The following MAP4 variants were observed in gnomAD, a reference collection of about 807,000 sequenced individuals.
MAP4 encodes microtubule-associated protein 4.
Under a neutral mutation model 170.2 loss-of-function variants are expected in MAP4, and 76 were observed. That is an observed-to-expected ratio of 0.45 (90% CI 0.37 to 0.54). The LOEUF (loss-of-function observed/expected upper bound fraction) is 0.54, where lower values mean the gene tolerates loss of function less well. MAP4 is among the 20% of genes least tolerant of loss of function. The pLI is 0.00. For missense variants in MAP4, 2,506 were observed against 2,748.0 expected (o/e 0.91, Z 1.97); for synonymous variants, 909 against 994.5 (o/e 0.91, Z 1.62).
At chr3:48,063,885 G>A (rs561636357) in intron 1 of MAP4, among the ~76,000 whole-genome samples, 3 of 152,220 alleles carry the variant, frequency 2.0e-5, no homozygotes, top group East Asian at 3.9e-4. Context: ...GGATTTTTAG[G>A]GCAGTGAAAC....
At position 47,991,060 on chromosome 3, in the gene MAP4, G is replaced by C. The variant is rs578150434; in HGVS notation, c.223+7578C>G. ...TGAAGTGCAAAAGGAAATGAGTATAGTAGATCCAAAGAAAAGGAATAAAGG... is the reference window on the plus strand; with the variant it reads ...TGAAGTGCAAAAGGAAATGAGTATACTAGATCCAAAGAAAAGGAATAAAGG... On this transcript the variant is annotated intron_variant, in intron 2 of 20. Coordinates refer to ENST00000683076, the MANE Select transcript of MAP4 (RefSeq NM_001385682.1). Among the ~76,000 whole-genome samples the C allele has an allele frequency of 4.6e-5, 7 of 152,306 alleles. No individual in the cohort carries two copies. The South Asian group carries it at 1.2e-3, about 27-fold the overall frequency.
intron 1 of MAP4, among the ~76,000 whole-genome samples, chr3:48,044,399 C>G (rs1177237773): frequency 1.3e-5 from 2 of 151,972 alleles, no homozygotes; most frequent in Non-Finnish European, 2.9e-5. Flanking sequence ...TCGTGATCCA[C>G]CCGCATCAGC....
intron 4 of MAP4, among the ~76,000 whole-genome samples, chr3:47,924,816 A>AT (rs11449304): frequency 0.39 from 58,072 of 148,536 alleles, 12,493 homozygotes; most frequent in African/African-American, 0.59. Context: ...AAGCTACGAT[A>AT]TTTTTTTTTT....
At chr3:47,993,631 A>C (rs1008678681) in intron 2 of MAP4, among the ~76,000 whole-genome samples, 1 of 152,248 alleles carries the variant, frequency 6.6e-6, no homozygotes, top group African/African-American at 2.4e-5. Flanking sequence ...CAAGATCCTG[A>C]AGCATTTCTT....
intron 5 of MAP4, among the ~76,000 whole-genome samples, chr3:47,920,371 T>G (rs1237299018): frequency 6.6e-6 from 1 of 152,164 alleles, no homozygotes; most frequent in East Asian, 1.9e-4. Flanking sequence ...CCTCCCAAAG[T>G]GCTGGGATTA....
At chr3:48,052,782 G>A in intron 1 of MAP4, among the ~76,000 whole-genome samples, 1 of 152,190 alleles carries the variant, frequency 6.6e-6, no homozygotes, top group South Asian at 2.1e-4. Context: ...CAGCCAGACA[G>A]TGATGAACAT....
At chr3:47,861,645 C>G (rs893419140) in intron 17 of MAP4, among the ~76,000 whole-genome samples, 5 of 151,774 alleles carry the variant, frequency 3.3e-5, no homozygotes, top group African/African-American at 1.2e-4. Flanking sequence ...GCCACCACGC[C>G]CAGCCAAGAC....
chr3:47,930,207 A>T (rs2100048745), intron 3 of MAP4, among the ~76,000 whole-genome samples: 1 of 152,058 alleles, frequency 6.6e-6, no homozygotes, highest in East Asian at 1.9e-4. Flanking sequence ...GCACTTTGGG[A>T]GGCCGAGGCG....
At chr3:47,869,677 T>G (rs1042705735) in intron 15 of MAP4, among the ~76,000 whole-genome samples, 1 of 152,032 alleles carries the variant, frequency 6.6e-6, no homozygotes, top group Non-Finnish European at 1.5e-5. Context: ...CCCCACCCCA[T>G]GCCAAATGTC....
chr3:48,017,135 T>C (rs1342477406), upstream of MAP4, among the ~76,000 whole-genome samples: 1 of 149,968 alleles, frequency 6.7e-6, no homozygotes, highest in Admixed American at 6.6e-5. Flanking sequence ...CTTTAATAGA[T>C]GGAAAAAAAA....
chr3:48,037,120 A>T lies in MAP4; in HGVS notation c.-19-38241T>A, dbSNP rs138541471. Among the ~76,000 whole-genome samples, 201 of 152,324 alleles carry T rather than the reference A, an allele frequency of 1.3e-3. 1 individual carries two copies. Among genetic ancestry groups the T allele is most frequent in the African/African-American group, 4.5e-3 (189 of 41,568 alleles). On this transcript the variant is annotated intron_variant, in intron 1 of 18. Coordinates refer to the MAP4 transcript ENST00000360240. Reference sequence around the variant, plus strand: ...ACATGAAATAAAATCTAAAAAGGAAATAAACTCTAGTAAATAAAGTTCTGA... The same window carrying T: ...ACATGAAATAAAATCTAAAAAGGAATTAAACTCTAGTAAATAAAGTTCTGA...
chr3:47,891,723 C>T, intron 10 of MAP4: 5 of 1,536,656 alleles, frequency 3.3e-6, no homozygotes, highest in Non-Finnish European at 4.4e-6. Flanking sequence ...TGGGTGAACA[C>T]CATAGTGATT....
intron 1 of MAP4, among the ~76,000 whole-genome samples, chr3:48,067,803 C>A (rs2100139044): frequency 1.3e-5 from 2 of 152,034 alleles, no homozygotes; most frequent in South Asian, 4.1e-4. Context: ...CCATGGCCGG[C>A]TGATTTCTGT....
chr3:47,972,787 G>A (rs1388061977), intron 3 of MAP4, among the ~76,000 whole-genome samples: 2 of 152,020 alleles, frequency 1.3e-5, no homozygotes, highest in African/African-American at 4.8e-5. Context: ...TCAGGAGGCT[G>A]AGGCAGGAGA....
chr3:47,909,854 C>T lies in MAP4; in HGVS notation c.4567G>A (p.Gly1523Arg). 1.2e-6 allele frequency: 2 copies of T among 1,614,018 alleles called. No homozygotes were observed. The highest frequency in any genetic ancestry group is 1.7e-6 in the Non-Finnish European group (2 of 1,179,880). Residue 1523 changes from glycine (G) to arginine (R), a missense_variant, in exon 9 of 21, where the codon GGA (glycine) becomes AGA (arginine). Coordinates refer to ENST00000683076, the MANE Select transcript of MAP4 (RefSeq NM_001385682.1). Reference protein sequence around the residue: ...TTAIETVNIHGDHSLKNKAEL... With the variant: ...TTAIETVNIHRDHSLKNKAEL... ...GCTTTATTCTTAAGAGAGTGATCTCCATGAATGTTAACTGTTTCTATGGCT... is the reference window on the plus strand; with the variant it reads ...GCTTTATTCTTAAGAGAGTGATCTCTATGAATGTTAACTGTTTCTATGGCT...
intron 5 of MAP4, among the ~76,000 whole-genome samples, chr3:47,921,441 C>A (rs2100042822): frequency 6.6e-6 from 1 of 152,112 alleles, no homozygotes; most frequent in Non-Finnish European, 1.5e-5. Context: ...TACTAACTAG[C>A]TTTTACCTAC....
At chr3:47,966,247 T>G in intron 3 of MAP4, among the ~76,000 whole-genome samples, 1 of 124,452 alleles carries the variant, frequency 8.0e-6, no homozygotes, top group Non-Finnish European at 1.7e-5. Context: ...TTTTTTTTTT[T>G]TTTTTTTTTT....
Position 47,886,007 on chromosome 3 carries a change from C to T in MAP4, c.5435-8484G>A, listed in dbSNP as rs527931470. 2.6e-5 allele frequency among the ~76,000 whole-genome samples: 4 copies of T among 152,308 alleles called. No homozygotes were observed. In the East Asian group the frequency reaches 5.8e-4, roughly 22 times the overall value. On this transcript the variant is annotated intron_variant, in intron 10 of 20. Coordinates refer to ENST00000683076, the MANE Select transcript of MAP4 (RefSeq NM_001385682.1). ...CCTCCCAAAGTGTTGGGATTACGGGCGTGAGCCACCGCGCCCGGCTAATGC... is the reference window on the plus strand; with the variant it reads ...CCTCCCAAAGTGTTGGGATTACGGGTGTGAGCCACCGCGCCCGGCTAATGC...
At chr3:47,985,821 G>A (rs1314471825) in intron 2 of MAP4, among the ~76,000 whole-genome samples, 3 of 152,146 alleles carry the variant, frequency 2.0e-5, no homozygotes, top group Non-Finnish European at 4.4e-5. Context: ...AAATGAGAAA[G>A]GAATGTGTTG....
Sources: gnomAD v4.1 joint callset for allele counts (sites outside exome capture counted in the v4.1 genomes callset) on GRCh38, gnomAD v4.1.1 for gene constraint, MANE v1.5 for transcripts, NCBI Gene and HGNC (gene_info 2026-07-23, HGNC 2026-07-21) for gene names.